GLRA2: variants seen among roughly 807,000 people sequenced by gnomAD.
GLRA2 encodes the protein glycine receptor alpha 2.
In GLRA2, 11 loss-of-function variants were observed where a neutral mutation model predicts 31.6. The ratio of observed to expected loss-of-function variants is 0.35; its 90% CI spans 0.22 to 0.58. The LOEUF (loss-of-function observed/expected upper bound fraction) is 0.58, where lower values mean the gene tolerates loss of function less well. Among genes scored for constraint, GLRA2 ranks in the 20% least tolerant of loss-of-function variants. The pLI is 0.84. For synonymous variants in GLRA2, 132 were observed against 134.0 expected (o/e 0.99, Z 0.10); for missense variants, 212 against 351.8 (o/e 0.60, Z 3.18).
intron 6 of GLRA2, among the ~76,000 whole-genome samples, chrX:14,607,489 G>A (rs2090348567): frequency 9.0e-6 from 1 of 111,392 alleles, no homozygotes; most frequent in African/African-American, 3.3e-5. Context: ...AGAACATAGA[G>A]AGAAGGAGAG....
chrX:14,509,457 G>C, the GLRA2 span, among the ~76,000 whole-genome samples: 1 of 112,731 alleles, frequency 8.9e-6, no homozygotes, highest in Non-Finnish European at 1.9e-5. Flanking sequence ...GATGAGCTCT[G>C]TATTGTGCCC....
At chrX:14,506,371 C>T in the GLRA2 span, among the ~76,000 whole-genome samples, 8 of 111,330 alleles carry the variant, frequency 7.2e-5, no homozygotes, top group Admixed American at 5.7e-4. Context: ...CTTGCATCCT[C>T]GCTTTCACAG....
At chrX:14,452,167 G>C in the GLRA2 span, among the ~76,000 whole-genome samples, 1 of 112,101 alleles carries the variant, frequency 8.9e-6, no homozygotes, top group African/African-American at 3.2e-5. Context: ...TAAAGTCAAA[G>C]CTTACATTTT....
intron 2 of GLRA2, among the ~76,000 whole-genome samples, chrX:14,569,275 A>G (rs184466233): frequency 2.2e-4 from 25 of 111,930 alleles, no homozygotes; most frequent in Admixed American, 1.0e-3. Context: ...AAAACAAACA[A>G]ACAAAAAAAG....
At chrX:14,530,426 T>G (rs1015497066) in intron 1 of GLRA2, among the ~76,000 whole-genome samples, 1 of 111,702 alleles carries the variant, frequency 9.0e-6, no homozygotes, top group Non-Finnish European at 1.9e-5. Flanking sequence ...GGGTAATTAT[T>G]TTTCTGAAAG....
intron 8 of GLRA2, among the ~76,000 whole-genome samples, chrX:14,710,147 T>C (rs1196496697): frequency 1.8e-5 from 2 of 111,593 alleles, no homozygotes; most frequent in African/African-American, 6.5e-5. Context: ...CAGGAAGACA[T>C]CGAGGGCCAG....
chrX:14,469,305 C>T, the GLRA2 span, among the ~76,000 whole-genome samples: 2 of 111,569 alleles, frequency 1.8e-5, no homozygotes, highest in African/African-American at 3.3e-5. Flanking sequence ...TTAGGTCTAA[C>T]ATTTAAGTCT....
intron 7 of GLRA2, among the ~76,000 whole-genome samples, chrX:14,673,162 A>G (rs965565154): frequency 1.8e-5 from 2 of 111,987 alleles, no homozygotes; most frequent in African/African-American, 3.2e-5. Flanking sequence ...TCTCATCCCC[A>G]GGATGTAGCA....
At chrX:14,604,107 G>A (rs1358490338) in intron 4 of GLRA2, among the ~76,000 whole-genome samples, 2 of 109,579 alleles carry the variant, frequency 1.8e-5, no homozygotes, top group African/African-American at 6.6e-5. Flanking sequence ...AGAGTAAGAG[G>A]TTATGGTGAA....
the GLRA2 span, among the ~76,000 whole-genome samples, chrX:14,456,681 A>G: frequency 8.9e-6 from 1 of 112,575 alleles, no homozygotes; most frequent in African/African-American, 3.2e-5. Context: ...ACCATGAATG[A>G]CAAGATCTCA....
chrX:14,484,611 C>G, the GLRA2 span, among the ~76,000 whole-genome samples: 1 of 111,676 alleles, frequency 9.0e-6, no homozygotes, highest in Non-Finnish European at 1.9e-5. Context: ...TAATTATAAA[C>G]CCAAAAAAGG....
At chrX:14,512,014 G>A in the GLRA2 span, among the ~76,000 whole-genome samples, 4 of 111,706 alleles carry the variant, frequency 3.6e-5, no homozygotes, top group Non-Finnish European at 5.7e-5. Context: ...GCCTGTAAGA[G>A]GATAAGTGGG....
At chrX:14,494,065 G>A in the GLRA2 span, among the ~76,000 whole-genome samples, 2 of 110,733 alleles carry the variant, frequency 1.8e-5, no homozygotes, top group African/African-American at 6.6e-5. Context: ...CATTTAAGAA[G>A]CCAAACATGA....
At chrX:14,700,273 T>A (rs1466567222) in intron 8 of GLRA2, among the ~76,000 whole-genome samples, 2 of 107,564 alleles carry the variant, frequency 1.9e-5, no homozygotes, top group African/African-American at 3.4e-5. Context: ...GTGTACAGAG[T>A]GAGAAGAGAA....
the GLRA2 span, among the ~76,000 whole-genome samples, chrX:14,456,179 C>A: frequency 9.0e-6 from 1 of 110,891 alleles, no homozygotes; most frequent in African/African-American, 3.3e-5. Context: ...GTTTTTAACC[C>A]TATTTGGTCA....
chrX:14,588,216 T>C (rs780996476), intron 4 of GLRA2, among the ~76,000 whole-genome samples: 1 of 112,027 alleles, frequency 8.9e-6, no homozygotes, highest in Admixed American at 9.5e-5. Flanking sequence ...GTCTAGGATT[T>C]TTATAGTTTG....
the GLRA2 span, among the ~76,000 whole-genome samples, chrX:14,461,014 C>T: frequency 8.9e-6 from 1 of 111,771 alleles, no homozygotes; most frequent in Admixed American, 9.5e-5. Context: ...AAATTTCCCT[C>T]TACACACTGC....
At chrX:14,576,172 G>T (rs1298798299) in intron 3 of GLRA2, among the ~76,000 whole-genome samples, 1 of 110,317 alleles carries the variant, frequency 9.1e-6, no homozygotes, top group African/African-American at 3.3e-5. Flanking sequence ...ATGTTAGGAA[G>T]AATTAATTTA....
chrX:14,542,441 A>G (rs1456749235), intron 2 of GLRA2, among the ~76,000 whole-genome samples: 1 of 111,672 alleles, frequency 9.0e-6, no homozygotes. Context: ...TAAACCAGCC[A>G]GAATCATCAG....
Sources: gnomAD v4.1 joint callset for allele counts (sites outside exome capture counted in the v4.1 genomes callset) on GRCh38, gnomAD v4.1.1 for gene constraint, MANE v1.5 for transcripts, NCBI Gene and HGNC (gene_info 2026-07-23, HGNC 2026-07-21) for gene names.